LPP: variants seen among roughly 807,000 people sequenced by gnomAD.
LPP encodes LIM domain containing preferred translocation partner in lipoma.
A neutral mutation model predicts 60.4 loss-of-function variants in LPP; 38 were observed. That is an observed-to-expected ratio of 0.63 (90% CI 0.49 to 0.83). The LOEUF is 0.83. Ranked by LOEUF, LPP falls within the 40% of genes least tolerant of loss-of-function variation. The pLI, the probability that LPP is intolerant of heterozygous loss-of-function variation, is 0.00. For missense variants in LPP, 902 were observed against 783.6 expected (o/e 1.15, Z -1.80); for synonymous variants, 328 against 290.8 (o/e 1.13, Z -1.30).
In LPP at chr3:188,654,435, C is replaced by T. The variant is rs576460981; in HGVS notation, c.1113+44591C>T. On this transcript the variant is annotated intron_variant, in intron 7 of 11. Transcript: ENST00000617246. ...AATGCCTTAAAAATGGTGCATCATACGAATTTAGCGACATTTCACTTCAAG... is the reference window on the plus strand; with the variant it reads ...AATGCCTTAAAAATGGTGCATCATATGAATTTAGCGACATTTCACTTCAAG... 3.9e-5 allele frequency among the ~76,000 whole-genome samples: 6 copies of T among 152,208 alleles called. No individual in the cohort carries two copies. In the East Asian group the frequency reaches 7.7e-4, roughly 20 times the overall value.
At position 188,386,699 on chromosome 3, in the gene LPP, G is replaced by T. The variant is rs142191553; in HGVS notation, c.-9-19413G>T. On this transcript the variant is annotated intron_variant, in intron 3 of 11. Transcript: ENST00000617246. ...AGCCAGTTTTCCCCTTCTATTAAAT[G>T]AACCTTTAACTGAGCTCTGAAATTG... Among the ~76,000 whole-genome samples, 317 of 152,238 alleles carry T rather than the reference G, an allele frequency of 2.1e-3. 1 individual carries two copies. Among genetic ancestry groups the T allele is most frequent in the African/African-American group, 7.2e-3 (300 of 41,534 alleles).
chr3:188,731,103 T>A (rs1489087752), intron 8 of LPP, among the ~76,000 whole-genome samples: 2 of 152,216 alleles, frequency 1.3e-5, no homozygotes, highest in Admixed American at 1.3e-4. Flanking sequence ...TTTCAAGCAT[T>A]TGGACATGGT....
intron 1 of LPP, among the ~76,000 whole-genome samples, chr3:188,205,433 C>T (rs1337260960): frequency 6.6e-6 from 1 of 151,856 alleles, no homozygotes; most frequent in Non-Finnish European, 1.5e-5. Context: ...AGGTGCACAC[C>T]ACCACACCCA....
At chr3:188,698,155 T>TC (rs1182648161) in intron 7 of LPP, among the ~76,000 whole-genome samples, 2 of 152,158 alleles carry the variant, frequency 1.3e-5, no homozygotes, top group African/African-American at 4.8e-5. Context: ...ATTGCATTCT[T>TC]CCAGGCAACC....
chr3:188,877,796 G>A lies in LPP; in HGVS notation c.*3317G>A. 4.6e-6 allele frequency: 1 copy of A among 215,230 alleles called. No homozygotes were observed. The highest frequency in any genetic ancestry group is 9.4e-6 in the Non-Finnish European group (1 of 106,628). The allele number at this position is 215,230 out of a possible 1,614,324, so 13.3% of individuals were successfully genotyped here. On this transcript the variant is annotated 3_prime_UTR_variant, in exon 12 of 12. Transcript: ENST00000617246. Reference sequence around the variant, plus strand: ...AAATAAGTCATGTGTCCCAGCATAAGGCATCAGGTTGTTAGATGCTGGCAT... The same window carrying A: ...AAATAAGTCATGTGTCCCAGCATAAAGCATCAGGTTGTTAGATGCTGGCAT...
At chr3:188,711,780 A>C (rs1711599969) in intron 8 of LPP, 2 of 152,208 alleles carry the variant, frequency 1.3e-5, no homozygotes, top group African/African-American at 4.8e-5. Context: ...GAAAGTGACA[A>C]GTGACTTAAT....
chr3:188,602,365 G>T (rs966863856), intron 6 of LPP, among the ~76,000 whole-genome samples: 4 of 150,712 alleles, frequency 2.7e-5, no homozygotes, highest in Non-Finnish European at 5.9e-5. Flanking sequence ...GTCATGGTTA[G>T]GATAAAATGA....
chr3:188,691,125 G>T (rs1862034180), intron 7 of LPP, among the ~76,000 whole-genome samples: 1 of 152,156 alleles, frequency 6.6e-6, no homozygotes. Flanking sequence ...TGCAGTATCT[G>T]CCACCTTGTG....
At chr3:188,638,734 G>C (rs2148712692) in intron 7 of LPP, among the ~76,000 whole-genome samples, 1 of 142,576 alleles carries the variant, frequency 7.0e-6, no homozygotes, top group East Asian at 2.0e-4. Flanking sequence ...GACAAACAGA[G>C]AGCCAAATCA....
chr3:188,197,710 G>A (rs1253562686), intron 1 of LPP, among the ~76,000 whole-genome samples: 1 of 151,828 alleles, frequency 6.6e-6, no homozygotes, highest in East Asian at 2.0e-4. Context: ...GGCGGCACTG[G>A]AGCAGAGCTG....
chr3:188,861,457 A>C (rs1419957418), intron 9 of LPP, among the ~76,000 whole-genome samples: 2 of 152,234 alleles, frequency 1.3e-5, no homozygotes, highest in Non-Finnish European at 2.9e-5. Flanking sequence ...ATCACTTTAT[A>C]GTCTTCTGAA....
chr3:188,400,352 G>C (rs1431016855), intron 3 of LPP, among the ~76,000 whole-genome samples: 1 of 152,154 alleles, frequency 6.6e-6, no homozygotes, highest in South Asian at 2.1e-4. Flanking sequence ...CCTTGAGCAA[G>C]TTATTCAACC....
At chr3:188,374,706 C>G (rs975301568) in intron 3 of LPP, among the ~76,000 whole-genome samples, 1 of 152,154 alleles carries the variant, frequency 6.6e-6, no homozygotes, top group African/African-American at 2.4e-5. Flanking sequence ...ATTTCCTTCT[C>G]CTGCCTGATT....
In LPP at chr3:188,539,353, T is replaced by A. The variant is rs151097862; in HGVS notation, c.429+14566T>A. Among the ~76,000 whole-genome samples, 7 of 152,250 alleles carry A rather than the reference T, an allele frequency of 4.6e-5. 1 individual carries two copies. The highest frequency in any genetic ancestry group is 9.6e-5 in the African/African-American group (4 of 41,546). On this transcript the variant is annotated intron_variant, in intron 6 of 11. Transcript: ENST00000617246. ...AAGCACATGGAGGGTGCTTATTGAA[T>A]GGGAAAAGGAAGAAATCTACCTGGA...
At chr3:188,642,609 A>C (rs965518232) in intron 7 of LPP, among the ~76,000 whole-genome samples, 3 of 152,188 alleles carry the variant, frequency 2.0e-5, no homozygotes, top group Non-Finnish European at 2.9e-5. Flanking sequence ...TTGGGATAAA[A>C]TGCCATGCTG....
chr3:188,479,574 TG>T (rs1453270934), intron 4 of LPP, among the ~76,000 whole-genome samples: 1 of 152,258 alleles, frequency 6.6e-6, no homozygotes, highest in African/African-American at 2.4e-5. Context: ...GAGGATGTTC[TG>T]GCCCAAACCT....
At chr3:188,357,202 A>G (rs1349579966) in intron 3 of LPP, among the ~76,000 whole-genome samples, 1 of 152,250 alleles carries the variant, frequency 6.6e-6, no homozygotes, top group African/African-American at 2.4e-5. Flanking sequence ...AAAAGCCTTC[A>G]TGTATCAACA....
At chr3:188,641,793 A>G (rs542888562) in intron 7 of LPP, among the ~76,000 whole-genome samples, 2 of 152,250 alleles carry the variant, frequency 1.3e-5, no homozygotes, top group Non-Finnish European at 2.9e-5. Flanking sequence ...TATAGACACA[A>G]CACTTCTGTT....
At chr3:188,306,568 G>C (rs528510353) in intron 2 of LPP, among the ~76,000 whole-genome samples, 2 of 152,260 alleles carry the variant, frequency 1.3e-5, no homozygotes, top group East Asian at 3.9e-4. Context: ...TAGAGTCGTG[G>C]GTGCAGGAAA....
Sources: gnomAD v4.1 joint callset for allele counts (sites outside exome capture counted in the v4.1 genomes callset) on GRCh38, gnomAD v4.1.1 for gene constraint, MANE v1.5 for transcripts, NCBI Gene and HGNC (gene_info 2026-07-23, HGNC 2026-07-21) for gene names.